The following ANKS1B variants were observed in gnomAD, a reference collection of about 807,000 sequenced individuals.
ANKS1B encodes ankyrin repeat and sterile alpha motif domain-containing protein 1B.
Under a neutral mutation model 148.3 loss-of-function variants are expected in ANKS1B, and 36 were observed. That is an observed-to-expected ratio of 0.24 (90% CI 0.19 to 0.32). The LOEUF is 0.32. Ranked by LOEUF, ANKS1B falls within the 10% of genes least tolerant of loss-of-function variation. ANKS1B has a pLI of 1.00. For synonymous variants in ANKS1B, 542 were observed against 560.8 expected (o/e 0.97, Z 0.47); for missense variants, 1,157 against 1,542.6 (o/e 0.75, Z 4.19).
intron 10 of ANKS1B, among the ~76,000 whole-genome samples, chr12:99,501,632 C>T (rs1054923492): frequency 1.4e-4 from 22 of 152,132 alleles, no homozygotes; most frequent in African/African-American, 5.1e-4. Context: ...GGCTGTAGCC[C>T]TTGGAATCCT....
intron 4 of ANKS1B, among the ~76,000 whole-genome samples, chr12:99,793,521 C>T (rs1433974319): frequency 6.6e-6 from 1 of 152,030 alleles, no homozygotes; most frequent in Non-Finnish European, 1.5e-5. Context: ...CAAATCTACA[C>T]ACCTACAGTG....
intron 25 of ANKS1B, among the ~76,000 whole-genome samples, chr12:98,771,483 T>C (rs1309118533): frequency 6.6e-6 from 1 of 152,070 alleles, no homozygotes; most frequent in Non-Finnish European, 1.5e-5. Context: ...GTAACTTTTT[T>C]TAAAAATTGA....
At chr12:98,782,018 C>G in intron 23 of ANKS1B, 108 bp downstream of exon 23, 2 of 966,318 alleles carry the variant, frequency 2.1e-6, no homozygotes, top group South Asian at 3.0e-5. Context: ...TAGTATGTGC[C>G]TTTCCTGTTT....
chr12:99,869,159 T>C (rs1056189821), intron 1 of ANKS1B, among the ~76,000 whole-genome samples: 3 of 152,142 alleles, frequency 2.0e-5, no homozygotes, highest in Non-Finnish European at 1.5e-5. Context: ...AATTGTTCTA[T>C]AGATTCAATG....
At chr12:99,085,254 A>AT in intron 15 of ANKS1B, among the ~76,000 whole-genome samples, 1 of 152,230 alleles carries the variant, frequency 6.6e-6, no homozygotes, top group African/African-American at 2.4e-5. Flanking sequence ...TTATATCCAC[A>AT]TGGGGTTATC....
intron 8 of ANKS1B, among the ~76,000 whole-genome samples, chr12:99,703,829 C>A (rs1600134068): frequency 6.6e-6 from 1 of 152,204 alleles, no homozygotes. Flanking sequence ...ATGGCAGTAT[C>A]CCCATAAACG....
intron 10 of ANKS1B, among the ~76,000 whole-genome samples, chr12:99,479,654 T>C (rs2096378772): frequency 6.6e-6 from 1 of 151,890 alleles, no homozygotes; most frequent in Non-Finnish European, 1.5e-5. Context: ...ATGACCTCAC[T>C]TGTATGTGGA....
chr12:98,938,221 G>A (rs552770199), intron 17 of ANKS1B, among the ~76,000 whole-genome samples: 102 of 152,286 alleles, frequency 6.7e-4, no homozygotes, highest in African/African-American at 2.0e-3. Context: ...ACTATAGCAT[G>A]TTAAAATCTC....
At chr12:99,250,503 A>G (rs1040201029) in intron 12 of ANKS1B, among the ~76,000 whole-genome samples, 1 of 152,242 alleles carries the variant, frequency 6.6e-6, no homozygotes, top group Non-Finnish European at 1.5e-5. Flanking sequence ...CCCAACCAAA[A>G]GCCAGCCAAC....
chr12:98,872,053 A>G lies in ANKS1B; in HGVS notation c.2779-39917T>C, dbSNP rs146776241. Among the ~76,000 whole-genome samples the G allele has an allele frequency of 2.5e-3, 388 of 152,356 alleles. 1 individual carries two copies. Among genetic ancestry groups the G allele is most frequent in the African/African-American group, 8.0e-3 (333 of 41,560 alleles). On this transcript the variant is annotated intron_variant, in intron 17 of 26. Coordinates refer to ENST00000683438, the MANE Select transcript of ANKS1B (RefSeq NM_001352186.2). ...AACATTGTAATAGTTTTCTGGGCAG[A>G]TAAGAGCTCATCATATATCCTTTTA...
intron 11 of ANKS1B, among the ~76,000 whole-genome samples, chr12:99,415,610 C>T (rs1479716454): frequency 2.0e-5 from 3 of 152,156 alleles, no homozygotes; most frequent in Non-Finnish European, 4.4e-5. Context: ...TCAGTGGGCA[C>T]ATCTCACAAA....
intron 8 of ANKS1B, among the ~76,000 whole-genome samples, chr12:99,695,955 G>A (rs1365442189): frequency 6.6e-6 from 1 of 152,120 alleles, no homozygotes; most frequent in Non-Finnish European, 1.5e-5. Context: ...GAGGGTGGAA[G>A]GGGAGCAAGC....
intron 24 of ANKS1B, among the ~76,000 whole-genome samples, chr12:98,775,485 C>G (rs963107953): frequency 3.9e-5 from 6 of 152,078 alleles, no homozygotes; most frequent in Admixed American, 2.0e-4. Flanking sequence ...GGGTCTTGCT[C>G]TGTTGCCCAG....
At chr12:99,722,980 C>T (rs1263957481) in intron 8 of ANKS1B, among the ~76,000 whole-genome samples, 1 of 152,190 alleles carries the variant, frequency 6.6e-6, no homozygotes, top group Non-Finnish European at 1.5e-5. Context: ...TGCCATCCAG[C>T]CTGGGAAACC....
intron 15 of ANKS1B, among the ~76,000 whole-genome samples, chr12:99,130,596 T>C (rs1053992649): frequency 5.3e-5 from 8 of 152,196 alleles, no homozygotes; most frequent in African/African-American, 1.9e-4. Flanking sequence ...CTTCCCTCTC[T>C]ACTCATCCTC....
intron 1 of ANKS1B, among the ~76,000 whole-genome samples, chr12:99,866,503 T>G (rs1206496566): frequency 6.6e-6 from 1 of 152,214 alleles, no homozygotes; most frequent in African/African-American, 2.4e-5. Flanking sequence ...TTTACTCTAG[T>G]AACATTAGCT....
intron 17 of ANKS1B, among the ~76,000 whole-genome samples, chr12:98,889,592 C>T (rs574409224): frequency 6.6e-6 from 1 of 152,350 alleles, no homozygotes. Context: ...AGTGATCCAC[C>T]TGCCTCAGCA....
chr12:98,955,947 T>C (rs1051330053), intron 17 of ANKS1B, among the ~76,000 whole-genome samples: 3 of 152,222 alleles, frequency 2.0e-5, no homozygotes, highest in Non-Finnish European at 4.4e-5. Context: ...GTCTACTTCC[T>C]CATAATGTGA....
At chr12:98,832,695 A>G (rs1163600749) in intron 17 of ANKS1B, among the ~76,000 whole-genome samples, 2 of 152,090 alleles carry the variant, frequency 1.3e-5, no homozygotes, top group Non-Finnish European at 2.9e-5. Context: ...GTCTCCTCAG[A>G]AAGGTCCTCC....
Sources: gnomAD v4.1 joint callset for allele counts (sites outside exome capture counted in the v4.1 genomes callset) on GRCh38, gnomAD v4.1.1 for gene constraint, MANE v1.5 for transcripts, NCBI Gene and HGNC (gene_info 2026-07-23, HGNC 2026-07-21) for gene names.